The following CDH13 variants were observed in gnomAD, a reference collection of about 807,000 sequenced individuals.
CDH13 encodes cadherin-13.
CDH13 carries 24 observed loss-of-function variants against 63.8 expected under a neutral mutation model. That is an observed-to-expected ratio of 0.38 (90% CI 0.27 to 0.53). The LOEUF (loss-of-function observed/expected upper bound fraction) is 0.53. Among genes scored for constraint, CDH13 ranks in the 20% least tolerant of loss-of-function variants. The pLI, the probability that CDH13 is intolerant of heterozygous loss-of-function variation, is 0.85. For synonymous variants in CDH13, 503 were observed against 355.3 expected (o/e 1.42, Z -4.67); for missense variants, 1,049 against 903.1 (o/e 1.16, Z -2.07).
At chr16:83,143,451 A>G (rs970969670) in intron 4 of CDH13, among the ~76,000 whole-genome samples, 7 of 152,214 alleles carry the variant, frequency 4.6e-5, no homozygotes, top group Admixed American at 2.0e-4. Context: ...AGTTCCCTGT[A>G]TTTAGCTTCA....
intron 6 of CDH13, among the ~76,000 whole-genome samples, chr16:83,372,025 A>C (rs1257240308): frequency 6.6e-6 from 1 of 152,244 alleles, no homozygotes; most frequent in Non-Finnish European, 1.5e-5. Context: ...GTTCCACGTA[A>C]GTGGGTGTTC....
intron 10 of CDH13, among the ~76,000 whole-genome samples, chr16:83,745,123 C>T (rs551898155): frequency 2.6e-5 from 4 of 152,284 alleles, no homozygotes; most frequent in East Asian, 1.9e-4. Context: ...GCTCCTGGAG[C>T]GGTGTCCAGC....
intron 6 of CDH13, among the ~76,000 whole-genome samples, chr16:83,419,726 G>C (rs1368902504): frequency 6.6e-6 from 1 of 152,190 alleles, no homozygotes; most frequent in Non-Finnish European, 1.5e-5. Context: ...ATTCCCATAA[G>C]TGTACTGGCA....
intron 7 of CDH13, among the ~76,000 whole-genome samples, chr16:83,559,600 G>A (rs1048384936): frequency 2.0e-5 from 3 of 150,558 alleles, no homozygotes; most frequent in Admixed American, 6.7e-5. Flanking sequence ...GAGAAAAGAA[G>A]GAAGGAAGGA....
chr16:83,114,441 T>C (rs1045245374), intron 3 of CDH13, among the ~76,000 whole-genome samples: 2 of 152,200 alleles, frequency 1.3e-5, no homozygotes, highest in Non-Finnish European at 2.9e-5. Context: ...TACAACAGCT[T>C]ATTGGCTTGA....
chr16:82,954,420 A>T (rs11648843), intron 2 of CDH13: 2 of 151,816 alleles, frequency 1.3e-5, no homozygotes, highest in African/African-American at 2.4e-5. Context: ...TGAGCACACA[A>T]GAACAGTACC....
At chr16:82,976,028 T>G (rs539482854) in intron 2 of CDH13, among the ~76,000 whole-genome samples, 115 of 152,272 alleles carry the variant, frequency 7.6e-4, no homozygotes, top group African/African-American at 2.4e-3. Context: ...TTCTGTGTTG[T>G]GAAGAGATGA....
At chr16:83,790,579 A>G (rs541199231) in intron 13 of CDH13, among the ~76,000 whole-genome samples, 5 of 151,792 alleles carry the variant, frequency 3.3e-5, no homozygotes, top group African/African-American at 1.2e-4. Context: ...TTGTTTTTGT[A>G]TTTTTAGTAG....
chr16:83,015,885 A>T (rs1166202802), intron 2 of CDH13, among the ~76,000 whole-genome samples: 2 of 151,614 alleles, frequency 1.3e-5, no homozygotes, highest in Non-Finnish European at 2.9e-5. Context: ...TGTGATGGAA[A>T]GCTATGATTT....
chr16:83,268,177 C>T (rs892496691), intron 5 of CDH13, among the ~76,000 whole-genome samples: 1 of 152,162 alleles, frequency 6.6e-6, no homozygotes, highest in Admixed American at 6.5e-5. Flanking sequence ...ATTATAAGTG[C>T]AGACATTAAC....
At chr16:82,980,590 T>C (rs1732638190) in intron 2 of CDH13, among the ~76,000 whole-genome samples, 1 of 152,182 alleles carries the variant, frequency 6.6e-6, no homozygotes, top group African/African-American at 2.4e-5. Flanking sequence ...AAGTCAAACA[T>C]CTCTTTCAAT....
At chr16:83,146,757 C>CA (rs768172867) in intron 4 of CDH13, among the ~76,000 whole-genome samples, 29 of 151,656 alleles carry the variant, frequency 1.9e-4, no homozygotes, top group Non-Finnish European at 3.4e-4. Flanking sequence ...ATAGATATTT[C>CA]AAAAAAAATG....
At chr16:83,488,353 T>C (rs866285712) in intron 7 of CDH13, among the ~76,000 whole-genome samples, 2 of 152,156 alleles carry the variant, frequency 1.3e-5, no homozygotes, top group Admixed American at 6.5e-5. Flanking sequence ...CTAAAAATCC[T>C]AATTATATGT....
intron 8 of CDH13, among the ~76,000 whole-genome samples, chr16:83,648,178 C>T (rs1019836158): frequency 2.0e-5 from 3 of 152,096 alleles, no homozygotes; most frequent in Non-Finnish European, 2.9e-5. Context: ...GTTAATAAAA[C>T]ACGGATGTTT....
chr16:82,760,368 T>G, intron 1 of CDH13, among the ~76,000 whole-genome samples: 1 of 152,326 alleles, frequency 6.6e-6, no homozygotes, highest in Middle Eastern at 3.4e-3. Flanking sequence ...GGCCACATCA[T>G]AGTCATTTGA....
intron 10 of CDH13, among the ~76,000 whole-genome samples, chr16:83,700,076 T>C (rs1397347869): frequency 6.6e-6 from 1 of 152,232 alleles, no homozygotes; most frequent in Non-Finnish European, 1.5e-5. Flanking sequence ...TCCTCCTTTC[T>C]GCCCCTCCTT....
At chr16:82,987,133 C>T (rs1911043414) in intron 2 of CDH13, among the ~76,000 whole-genome samples, 1 of 152,144 alleles carries the variant, frequency 6.6e-6, no homozygotes, top group Admixed American at 6.5e-5. Context: ...GGTCACCTTG[C>T]CGTTTTCCCA....
intron 6 of CDH13, among the ~76,000 whole-genome samples, chr16:83,378,222 C>G: frequency 6.6e-6 from 1 of 152,120 alleles, no homozygotes; most frequent in African/African-American, 2.4e-5. Flanking sequence ...GATATAGATG[C>G]CACATAGATG....
At chr16:82,830,680 A>G (rs1305089467) in intron 1 of CDH13, among the ~76,000 whole-genome samples, 1 of 152,198 alleles carries the variant, frequency 6.6e-6, no homozygotes, top group African/African-American at 2.4e-5. Context: ...GGCATGGACT[A>G]TGTCTGTTTC....
Sources: gnomAD v4.1 joint callset for allele counts (sites outside exome capture counted in the v4.1 genomes callset) on GRCh38, gnomAD v4.1.1 for gene constraint, MANE v1.5 for transcripts, NCBI Gene and HGNC (gene_info 2026-07-23, HGNC 2026-07-21) for gene names.